Variants in MCPH1 observed in about 807,000 individuals in gnomAD.
MCPH1 encodes the protein microcephalin 1.
A neutral mutation model predicts 84.5 loss-of-function variants in MCPH1; 104 were observed. The observed-to-expected ratio is 1.23, with a 90% CI of 1.05 to 1.45. The LOEUF (loss-of-function observed/expected upper bound fraction) is 1.45. Ranked by LOEUF, MCPH1 falls within the 40% of genes most tolerant of loss-of-function variation. MCPH1 has a pLI of 0.00. For synonymous variants in MCPH1, 514 were observed against 366.8 expected, an observed-to-expected ratio of 1.40 and a Z score of -4.58; for missense variants, 1,498 against 1,005.7, an observed-to-expected ratio of 1.49 and a Z score of -6.62.
At position 6,643,234 on chromosome 8, in the gene MCPH1, T is replaced by C. The variant is rs1798048894; in HGVS notation, c.*185T>C. 4.6e-6 allele frequency: 3 copies of C among 650,372 alleles called. No individual in the cohort carries two copies. The highest frequency in any genetic ancestry group is 8.2e-6 in the Non-Finnish European group (3 of 363,828). The allele number at this position is 650,372 out of a possible 1,614,324, so 40.3% of individuals were successfully genotyped here. A position where few individuals can be genotyped will look rare whatever the true frequency, so the allele number is the denominator to read the frequency against. On this transcript the variant is annotated 3_prime_UTR_variant, in exon 14 of 14. Transcript: ENST00000344683. ...GACTTTCTGATGACTGAATGTCTGT[T>C]TCAGAGACGCTTCGGGCCTTTTTAT...
intron 12 of MCPH1, among the ~76,000 whole-genome samples, chr8:6,537,214 G>A (rs1820659936): frequency 6.6e-6 from 1 of 152,116 alleles, no homozygotes; most frequent in African/African-American, 2.4e-5. Context: ...CTTCATATCT[G>A]AAGAGGATTA....
intron 12 of MCPH1, among the ~76,000 whole-genome samples, chr8:6,545,031 T>C (rs2129574359): frequency 6.6e-6 from 1 of 152,300 alleles, no homozygotes; most frequent in East Asian, 1.9e-4. Flanking sequence ...AATAGATCGC[T>C]GTCAAATGAA....
intron 8 of MCPH1, among the ~76,000 whole-genome samples, chr8:6,447,914 T>C (rs897194140): frequency 1.3e-5 from 2 of 152,332 alleles, no homozygotes; most frequent in Non-Finnish European, 2.9e-5. Flanking sequence ...TTTATTCTCT[T>C]AATTTTATAA....
At chr8:6,619,480 G>T (rs1264181637) in intron 12 of MCPH1, among the ~76,000 whole-genome samples, 1 of 151,738 alleles carries the variant, frequency 6.6e-6, no homozygotes, top group African/African-American at 2.4e-5. Flanking sequence ...TAGTAGAGAT[G>T]GGGTTTCTCC....
chr8:6,505,326 T>TA (rs1813234909), intron 12 of MCPH1, among the ~76,000 whole-genome samples: 1 of 84,832 alleles, frequency 1.2e-5, no homozygotes. Context: ...ATATGTTATA[T>TA]ACATATAGAA....
At chr8:6,437,494 G>A (rs1802836560) in intron 5 of MCPH1, among the ~76,000 whole-genome samples, 1 of 152,178 alleles carries the variant, frequency 6.6e-6, no homozygotes, top group Non-Finnish European at 1.5e-5. Flanking sequence ...CTCCCAAAGT[G>A]CTGGGATTAC....
At chr8:6,414,120 A>G (rs73514795) in intron 2 of MCPH1, among the ~76,000 whole-genome samples, 7,451 of 151,838 alleles carry the variant, frequency 0.049, 395 homozygotes, top group African/African-American at 0.14. Flanking sequence ...CAACCTTCTT[A>G]CTTTGTATTT....
At chr8:6,612,972 C>T (rs1830417152) in intron 12 of MCPH1, among the ~76,000 whole-genome samples, 2 of 152,314 alleles carry the variant, frequency 1.3e-5, no homozygotes, top group Middle Eastern at 6.8e-3. Flanking sequence ...GTTGTTGTGA[C>T]GGTTTTGAGC....
intron 12 of MCPH1, among the ~76,000 whole-genome samples, chr8:6,521,898 C>G (rs1354368525): frequency 2.6e-5 from 4 of 152,138 alleles, no homozygotes; most frequent in African/African-American, 9.7e-5. Flanking sequence ...AGAAATACTC[C>G]TTCATGGGGA....
rs1178219143 is a variant in MCPH1, at chr8:6,554,183, A to G, written c.2214+54254A>G. ...CTTATCACCAGATTAAACCACCTGG[A>G]TAGCCCACCTCAAGTCATCAAGAGT... On this transcript the variant is annotated intron_variant, in intron 12 of 13. Transcript: ENST00000344683. Among the ~76,000 whole-genome samples the G allele has an allele frequency of 2.0e-5, 3 of 151,178 alleles. No homozygotes were observed. The East Asian group carries it at 5.8e-4, about 29-fold the overall frequency.
chr8:6,451,564 T>A, intron 8 of MCPH1, among the ~76,000 whole-genome samples: 2 of 23,456 alleles, frequency 8.5e-5, no homozygotes, highest in East Asian at 7.3e-3. Flanking sequence ...TGAAGAGTGT[T>A]GTTTTTGTTT....
intron 9 of MCPH1, among the ~76,000 whole-genome samples, chr8:6,457,087 TACAC>T (rs1805765033): frequency 6.6e-6 from 1 of 152,162 alleles, no homozygotes; most frequent in African/African-American, 2.4e-5. Flanking sequence ...CAATTACAAA[TACAC>T]ACCTCCATAT....
chr8:6,528,532 T>A (rs531418371), intron 12 of MCPH1, among the ~76,000 whole-genome samples: 31 of 152,340 alleles, frequency 2.0e-4, no homozygotes, highest in African/African-American at 7.5e-4. Context: ...GTTTTAAAAC[T>A]TGTTTGAACC....
intron 12 of MCPH1, among the ~76,000 whole-genome samples, chr8:6,510,035 G>T (rs1404672310): frequency 6.6e-6 from 1 of 152,104 alleles, no homozygotes; most frequent in Non-Finnish European, 1.5e-5. Flanking sequence ...TCGTAAAGTC[G>T]AAAAATCTTA....
At chr8:6,414,461 A>C (rs1798972872) in intron 2 of MCPH1, among the ~76,000 whole-genome samples, 1 of 152,202 alleles carries the variant, frequency 6.6e-6, no homozygotes. Flanking sequence ...TTCCATCTTT[A>C]AAAATGTGGT....
intron 12 of MCPH1, chr8:6,521,260 C>T: frequency 6.2e-7 from 1 of 1,613,944 alleles, no homozygotes; most frequent in Non-Finnish European, 8.5e-7. Context: ...CTGAATTATT[C>T]ACCGTGGCAG....
At chr8:6,585,800 A>G (rs1474111304) in intron 12 of MCPH1, among the ~76,000 whole-genome samples, 1 of 152,066 alleles carries the variant, frequency 6.6e-6, no homozygotes, top group Non-Finnish European at 1.5e-5. Flanking sequence ...CCACCATCCC[A>G]TGACTGCAGG....
rs563459601 is a variant in MCPH1 at position 6,563,023 on chromosome 8, G to A, written c.2215-58431G>A. 17 of 1,373,318 alleles carry A rather than the reference G, an allele frequency of 1.2e-5. 2 individuals carry two copies. The South Asian group carries it at 2.4e-4, about 20-fold the overall frequency. 85.1% of individuals were successfully genotyped at this position (1,373,318 alleles called of 1,614,324 possible). ...GAGCTGCTGCCGTCTAAAACGCAGG[G>A]CTGCTACGCTGCCATGGCTGGGTCC... is the stretch of plus-strand genomic sequence containing the variant. On this transcript the variant is annotated intron_variant, in intron 12 of 13. Coordinates refer to ENST00000344683, the MANE Select transcript of MCPH1 (RefSeq NM_024596.5).
chr8:6,496,065 TTATTTC>T (rs1366127316), intron 11 of MCPH1, among the ~76,000 whole-genome samples: 1 of 152,192 alleles, frequency 6.6e-6, no homozygotes, highest in Non-Finnish European at 1.5e-5. Flanking sequence ...ATTGTACACT[TTATTTC>T]TATTATTATT....
Sources: gnomAD v4.1 joint callset for allele counts (sites outside exome capture counted in the v4.1 genomes callset) on GRCh38, gnomAD v4.1.1 for gene constraint, MANE v1.5 for transcripts, NCBI Gene and HGNC (gene_info 2026-07-23, HGNC 2026-07-21) for gene names.